GAREM1: variants seen among roughly 807,000 people sequenced by gnomAD.
GAREM1 encodes the protein GRB2-associated and regulator of MAPK protein 1.
In GAREM1, 26 loss-of-function variants were observed where a neutral mutation model predicts 71.3. The ratio of observed to expected loss-of-function variants is 0.36; its 90% CI spans 0.27 to 0.51. GAREM1 has a LOEUF of 0.51. Ranked by LOEUF, GAREM1 falls within the 20% of genes least tolerant of loss-of-function variation. The pLI, the probability that GAREM1 is intolerant of heterozygous loss-of-function variation, is 0.95. For synonymous variants in GAREM1, 440 were observed against 433.2 expected, an observed-to-expected ratio of 1.02 and a Z score of -0.20; for missense variants, 1,026 against 1,103.1, an observed-to-expected ratio of 0.93 and a Z score of 0.99.
At chr18:32,307,741 T>C (rs1235076272) in intron 3 of GAREM1, among the ~76,000 whole-genome samples, 2 of 152,132 alleles carry the variant, frequency 1.3e-5, no homozygotes, top group Admixed American at 1.3e-4. Context: ...CAGGCTGGTC[T>C]TGAACTCCTG....
chr18:32,344,457 T>C (rs1315971229), intron 2 of GAREM1, among the ~76,000 whole-genome samples: 1 of 152,176 alleles, frequency 6.6e-6, no homozygotes, highest in Non-Finnish European at 1.5e-5. Flanking sequence ...CATTAATGTT[T>C]GGATTCATAA....
intron 3 of GAREM1, among the ~76,000 whole-genome samples, chr18:32,309,573 G>A (rs545619245): frequency 3.2e-5 from 4 of 124,188 alleles, no homozygotes; most frequent in Admixed American, 2.1e-4. Context: ...CCGAGATCGC[G>A]CCACTGTACT....
Position 32,470,069 on chromosome 18 carries a change from T to TA in GAREM1, c.121+238_121+239insT, listed in dbSNP as rs2049035506. 6.6e-6 allele frequency among the ~76,000 whole-genome samples: 1 copy of TA among 152,066 alleles called. No individual in the cohort carries two copies. The highest frequency in any genetic ancestry group is 1.9e-4 in the East Asian group (1 of 5,174). On this transcript the variant is annotated intron_variant, in intron 1 of 5. Coordinates refer to ENST00000269209, the MANE Select transcript of GAREM1 (RefSeq NM_001242409.2). The surrounding 1 kb of genome is among the most constrained non-coding windows in gnomAD (Gnocchi z 4.4). Reference sequence around the variant, plus strand: ...TGCAGAGGTCTCCCTATGTTGACTTTTTTTTTAGGGCGTCCTTTTTAATTA... The same window carrying TA: ...TGCAGAGGTCTCCCTATGTTGACTTTATTTTTTAGGGCGTCCTTTTTAATTA...
Position 32,361,090 on chromosome 18 carries a change from C to T in GAREM1, c.262+31805G>A, listed in dbSNP as rs570022484. ...GCCATGCAACCACATGAAAACGAAG[C>T]ACAGTTTTGTCAGGTCTTAGGCAGG... On this transcript the variant is annotated intron_variant, in intron 2 of 5. Coordinates refer to ENST00000269209, the MANE Select transcript of GAREM1 (RefSeq NM_001242409.2). Among the ~76,000 whole-genome samples the T allele has an allele frequency of 5.3e-5, 8 of 152,330 alleles. No homozygotes were observed. In the South Asian group the frequency reaches 1.7e-3, roughly 32 times the overall value.
In GAREM1 at chr18:32,470,856, G is replaced by A. The variant is rs947596934; in HGVS notation, c.-428C>T. On this transcript the variant is annotated 5_prime_UTR_variant, in exon 1 of 6. Transcript: ENST00000269209. This position sits in a 1 kb window ranked among gnomAD's most constrained non-coding sequence, Gnocchi z 4.4. Reference sequence around the variant, plus strand: ...AGGAGGAGCCGCGGGTCTGAGAAACGCCATAGCAGCGCTCCCAGCACTGAC... The same window carrying A: ...AGGAGGAGCCGCGGGTCTGAGAAACACCATAGCAGCGCTCCCAGCACTGAC... Among the ~76,000 whole-genome samples the A allele has an allele frequency of 1.3e-5, 2 of 150,644 alleles. No homozygotes were observed. The highest frequency in any genetic ancestry group is 4.8e-5 in the African/African-American group (2 of 41,258).
intron 2 of GAREM1, among the ~76,000 whole-genome samples, chr18:32,357,792 C>A (rs1034999546): frequency 6.6e-6 from 1 of 152,142 alleles, no homozygotes; most frequent in Non-Finnish European, 1.5e-5. Context: ...AGCTATACAG[C>A]TATCTCTGGA....
At chr18:32,293,743 G>A (rs2047111073) in intron 3 of GAREM1, among the ~76,000 whole-genome samples, 1 of 152,124 alleles carries the variant, frequency 6.6e-6, no homozygotes, top group Non-Finnish European at 1.5e-5. Flanking sequence ...CTATGTAGTG[G>A]AGAATATACC....
intron 1 of GAREM1, chr18:32,413,115 A>G: frequency 6.5e-7 from 1 of 1,531,550 alleles, no homozygotes. Context: ...TTCAAAGCTC[A>G]ACCCTCCAAT....
At chr18:32,407,820 C>A (rs1294369955) in intron 1 of GAREM1, among the ~76,000 whole-genome samples, 1 of 152,122 alleles carries the variant, frequency 6.6e-6, no homozygotes, top group East Asian at 1.9e-4. Flanking sequence ...AACCTCAGAT[C>A]TCCTAGCTAG....
At chr18:32,442,094 T>C (rs1221882392) in intron 1 of GAREM1, among the ~76,000 whole-genome samples, 1 of 152,300 alleles carries the variant, frequency 6.6e-6, no homozygotes. Context: ...ACATTATTGA[T>C]CTATCATTTT....
chr18:32,413,577 A>G (rs2048440298), intron 1 of GAREM1, among the ~76,000 whole-genome samples: 1 of 152,166 alleles, frequency 6.6e-6, no homozygotes, highest in Admixed American at 6.5e-5. Context: ...ACATGAAAGG[A>G]CACTATATCA....
Position 32,470,523 on chromosome 18 carries a change from G to A in GAREM1, c.-95C>T, listed in dbSNP as rs1442218722. 9 of 933,340 alleles carry A rather than the reference G, an allele frequency of 9.6e-6. No individual in the cohort carries two copies. Among genetic ancestry groups the A allele is most frequent in the Non-Finnish European group, 1.2e-5 (9 of 774,774 alleles). 57.8% of individuals were successfully genotyped at this position (933,340 alleles called of 1,614,324 possible). ...CCGCTGCTCGCGCTCGCGGTCTGGG[G>A]CGCGCGGGAGGCGCCGGGCAGCTCC... is the stretch of plus-strand genomic sequence containing the variant. On this transcript the variant is annotated 5_prime_UTR_variant, in exon 1 of 6. Coordinates refer to ENST00000269209, the MANE Select transcript of GAREM1 (RefSeq NM_001242409.2). This position sits in a 1 kb window ranked among gnomAD's most constrained non-coding sequence, Gnocchi z 4.4.
chr18:32,395,320 C>T lies in GAREM1; in HGVS notation c.122-2285G>A, dbSNP rs149195222. ...AACAAGCACTGTTCTGAGTGCTAGGCGCATACGGGTGAACAAACCCAAGAT... is the reference window on the plus strand; with the variant it reads ...AACAAGCACTGTTCTGAGTGCTAGGTGCATACGGGTGAACAAACCCAAGAT... On this transcript the variant is annotated intron_variant, in intron 1 of 5. Transcript: ENST00000269209. Among the ~76,000 whole-genome samples, 266 of 152,328 alleles carry T rather than the reference C, an allele frequency of 1.7e-3. 1 individual carries two copies. The highest frequency in any genetic ancestry group is 5.7e-3 in the African/African-American group (235 of 41,574).
rs1417042011 is a variant in GAREM1, at chr18:32,289,655, AT to A, written c.394-1453del. Among the ~76,000 whole-genome samples, 5 of 152,200 alleles carry A rather than the reference AT, an allele frequency of 3.3e-5. No individual in the cohort carries two copies. In the East Asian group the frequency reaches 9.7e-4, roughly 29 times the overall value. Reference sequence around the variant, plus strand: ...TATGCTTCTAGCTGAGATGATATAGATTCATGATTCTGAACCAGGGGTGACT... The same window carrying A: ...TATGCTTCTAGCTGAGATGATATAGATCATGATTCTGAACCAGGGGTGACT... On this transcript the variant is annotated intron_variant, in intron 3 of 5. Transcript: ENST00000269209.
At chr18:32,286,413 T>C (rs1051859850) in intron 4 of GAREM1, among the ~76,000 whole-genome samples, 34 of 151,860 alleles carry the variant, frequency 2.2e-4, no homozygotes, top group African/African-American at 6.5e-4. Context: ...TTCAGGGATA[T>C]AGGAAAGAGT....
intron 2 of GAREM1, among the ~76,000 whole-genome samples, chr18:32,349,467 A>G (rs2047727245): frequency 2.0e-5 from 3 of 152,220 alleles, no homozygotes; most frequent in Non-Finnish European, 4.4e-5. Flanking sequence ...GCTAGCCAAG[A>G]ATCAAGAAAT....
chr18:32,338,317 G>A (rs553294470), intron 2 of GAREM1, among the ~76,000 whole-genome samples: 2 of 152,076 alleles, frequency 1.3e-5, no homozygotes, highest in East Asian at 3.9e-4. Flanking sequence ...TTCTCTTTTA[G>A]AAATAAGGTG....
At chr18:32,310,467 G>T in intron 2 of GAREM1, 144 bp from the exon 3 acceptor site, 3 of 681,516 alleles carry the variant, frequency 4.4e-6, no homozygotes, top group Non-Finnish European at 4.7e-6. Flanking sequence ...AAGGCATTAT[G>T]GGAGGTTCCA....
chr18:32,367,607 C>A (rs1295631367), intron 2 of GAREM1, among the ~76,000 whole-genome samples: 2 of 152,216 alleles, frequency 1.3e-5, no homozygotes, highest in Non-Finnish European at 2.9e-5. Context: ...GTCTTCACTG[C>A]CAAAGTCCAA....
Sources: allele counts gnomAD v4.1 joint callset (sites outside exome capture counted in the v4.1 genomes callset), GRCh38; gene constraint gnomAD v4.1.1; non-coding constraint Gnocchi (gnomAD v3.1); transcripts MANE v1.5; gene names NCBI Gene and HGNC (gene_info 2026-07-23, HGNC 2026-07-21).